ROCK1: variants seen among roughly 807,000 people sequenced by gnomAD.
ROCK1 encodes Rho associated coiled-coil containing protein kinase 1, also known as rho-associated protein kinase 1.
Under a neutral mutation model 196.8 loss-of-function variants are expected in ROCK1, and 36 were observed. The observed-to-expected ratio is 0.18, with a 90% CI of 0.14 to 0.24. The LOEUF (loss-of-function observed/expected upper bound fraction) is 0.24. ROCK1 is among the 10% of genes least tolerant of loss of function. ROCK1 has a pLI of 1.00. For missense variants in ROCK1, 920 were observed against 1,562.0 expected (o/e 0.59, Z 6.93); for synonymous variants, 443 against 515.9 (o/e 0.86, Z 1.91).
intron 1 of ROCK1, among the ~76,000 whole-genome samples, chr18:21,073,128 AG>A (rs1219366288): frequency 8.7e-5 from 13 of 150,220 alleles, no homozygotes; most frequent in Non-Finnish European, 1.8e-4. Flanking sequence ...TATGTAACAG[AG>A]GGGCCAATCA....
chr18:21,047,540 T>C, intron 4 of ROCK1, among the ~76,000 whole-genome samples: 1 of 152,182 alleles, frequency 6.6e-6, no homozygotes, highest in Middle Eastern at 3.2e-3. Flanking sequence ...ACACCTGTAA[T>C]CCCAGCACTT....
chr18:21,053,527 A>G (rs1568396076), intron 2 of ROCK1, among the ~76,000 whole-genome samples: 1 of 152,126 alleles, frequency 6.6e-6, no homozygotes, highest in African/African-American at 2.4e-5. Flanking sequence ...TCCATTCTCC[A>G]TTATGCTTCA....
chr18:20,952,651 T>C (rs1452592868), intron 32 of ROCK1, among the ~76,000 whole-genome samples: 1 of 151,628 alleles, frequency 6.6e-6, no homozygotes, highest in African/African-American at 2.4e-5. Flanking sequence ...GGCATGCGTC[T>C]GTAATCCCCG....
Position 21,006,381 on chromosome 18 carries a change from G to T in ROCK1, c.1855C>A (p.His619Asn). ...AGGTCTCCAATCATCTCAGAATCAT[G>T]ACCTCTGTCTCTTCGTTCAGCTTCT... ...ILEAERRDRG[H>N]DSEMIGDLQA... Residue 619 changes from histidine (H) to asparagine (N), a missense_variant, in exon 16 of 33, where the codon CAT (histidine) becomes AAT (asparagine). Transcript: ENST00000399799. 6.2e-7 allele frequency: 1 copy of T among 1,612,842 alleles called. No individual in the cohort carries two copies. Among genetic ancestry groups the T allele is most frequent in the South Asian group, 1.1e-5 (1 of 91,054 alleles).
intron 2 of ROCK1, among the ~76,000 whole-genome samples, chr18:21,053,291 G>A (rs1207806244): frequency 6.9e-6 from 1 of 145,656 alleles, no homozygotes; most frequent in East Asian, 2.0e-4. Context: ...TTTTTTTTTT[G>A]GTCAAGCCTG....
rs2035723129 is a variant in ROCK1, at chr18:21,001,440, ATTAAAAAATATAGACAGCAAAAGCTG to A, written c.1885+4885_1885+4910del. Among the ~76,000 whole-genome samples, 3 of 152,346 alleles carry A rather than the reference ATTAAAAAATATAGACAGCAAAAGCTG, an allele frequency of 2.0e-5. No homozygotes were observed. In the South Asian group the frequency reaches 6.2e-4, roughly 32 times the overall value. On this transcript the variant is annotated intron_variant, in intron 16 of 32. Coordinates refer to ENST00000399799, the MANE Select transcript of ROCK1 (RefSeq NM_005406.3). ...TTTTTGTTACAAGAATTTCACCTTAATTAAAAAATATAGACAGCAAAAGCTGTTAGAAATACAAGGGAGGCTGCCAG... is the reference window on the plus strand; with the variant it reads ...TTTTTGTTACAAGAATTTCACCTTAATTAGAAATACAAGGGAGGCTGCCAG...
intron 4 of ROCK1, among the ~76,000 whole-genome samples, chr18:21,047,225 A>G (rs2036168035): frequency 6.6e-6 from 1 of 152,194 alleles, no homozygotes; most frequent in Admixed American, 6.5e-5. Flanking sequence ...TCACTAACAG[A>G]CACTGAACGT....
chr18:20,998,088 C>T (rs561616235), intron 16 of ROCK1, among the ~76,000 whole-genome samples: 15 of 152,190 alleles, frequency 9.9e-5, no homozygotes, highest in Admixed American at 2.6e-4. Context: ...CCACCCGCCT[C>T]GGCCTCCCAA....
chr18:20,998,966 T>C (rs978164762), intron 16 of ROCK1, among the ~76,000 whole-genome samples: 11 of 151,890 alleles, frequency 7.2e-5, no homozygotes, highest in African/African-American at 2.2e-4. Flanking sequence ...TTTCAAAGAA[T>C]AGAGGAGGAG....
At position 20,950,973 on chromosome 18, in the gene ROCK1, T is replaced by C. The variant is rs2035181235; in HGVS notation, c.*411A>G. On this transcript the variant is annotated 3_prime_UTR_variant, in exon 33 of 33. Transcript: ENST00000399799. ...TCAGTTTGTCTCATTTTGAGATATT[T>C]TCTTTACTCCTTCCATGAGCTGATC... 1 of 160,912 alleles carries C rather than the reference T, an allele frequency of 6.2e-6. No homozygotes were observed. The allele number at this position is 160,912 out of a possible 1,614,324, so 10.0% of individuals were successfully genotyped here.
chr18:20,983,918 G>C (rs979806656), intron 20 of ROCK1, among the ~76,000 whole-genome samples: 13 of 152,132 alleles, frequency 8.5e-5, no homozygotes, highest in African/African-American at 2.2e-4. Flanking sequence ...AAGCGTTCCT[G>C]ATCTTGCTTG....
At chr18:20,956,966 A>G (rs2035248197) in intron 29 of ROCK1, among the ~76,000 whole-genome samples, 1 of 152,232 alleles carries the variant, frequency 6.6e-6, no homozygotes, top group Non-Finnish European at 1.5e-5. Context: ...TAACAATGAA[A>G]TAACATTTAA....
intron 1 of ROCK1, among the ~76,000 whole-genome samples, chr18:21,084,280 T>A (rs1321188065): frequency 2.7e-5 from 4 of 150,680 alleles, no homozygotes; most frequent in Non-Finnish European, 5.9e-5. Flanking sequence ...CTAAACCTCA[T>A]CAAAATTAAA....
In ROCK1 at chr18:21,029,024, C is replaced by G. The variant is rs901978465; in HGVS notation, c.1052-89G>C. On this transcript the variant is annotated intron_variant, in intron 9 of 32. Coordinates refer to ENST00000399799, the MANE Select transcript of ROCK1 (RefSeq NM_005406.3). ...TCCATACCAACTACTGATGGTTTCT[C>G]TCTTATAAAACCTTGCAAACCACAA... is the stretch of plus-strand genomic sequence containing the variant. 3 of 1,326,888 alleles carry G rather than the reference C, an allele frequency of 2.3e-6. No homozygotes were observed. In the Admixed American group the frequency reaches 7.0e-5, roughly 31 times the overall value. The allele number at this position is 1,326,888 out of a possible 1,614,324, so 82.2% of individuals were successfully genotyped here. A position where few individuals can be genotyped will look rare whatever the true frequency, so the allele number is the denominator to read the frequency against.
chr18:21,076,426 C>G (rs1396050137), intron 1 of ROCK1, among the ~76,000 whole-genome samples: 1 of 152,150 alleles, frequency 6.6e-6, no homozygotes, highest in Non-Finnish European at 1.5e-5. Flanking sequence ...ATCACTTGAA[C>G]CCAGGAGGTG....
intron 11 of ROCK1, among the ~76,000 whole-genome samples, chr18:21,020,878 C>A (rs2035907872): frequency 6.6e-6 from 1 of 152,176 alleles, no homozygotes; most frequent in Non-Finnish European, 1.5e-5. Flanking sequence ...TCCTTGTATG[C>A]ACAAACTGGA....
intron 1 of ROCK1, among the ~76,000 whole-genome samples, chr18:21,107,423 C>CA (rs2036712215): frequency 6.6e-6 from 1 of 151,326 alleles, no homozygotes; most frequent in Non-Finnish European, 1.5e-5. Flanking sequence ...TTTGGGATTA[C>CA]AAAAACAACT....
At chr18:21,003,359 T>G (rs1158255926) in intron 16 of ROCK1, among the ~76,000 whole-genome samples, 1 of 152,052 alleles carries the variant, frequency 6.6e-6, no homozygotes, top group Non-Finnish European at 1.5e-5. Flanking sequence ...TGTCCAAACT[T>G]TGGATCCAAA....
intron 16 of ROCK1, among the ~76,000 whole-genome samples, chr18:21,005,966 T>G (rs2035765038): frequency 6.6e-6 from 1 of 152,218 alleles, no homozygotes. Context: ...CATAAATATA[T>G]TAACTTAGAC....
Sources: gnomAD v4.1 joint callset for allele counts (sites outside exome capture counted in the v4.1 genomes callset) on GRCh38, gnomAD v4.1.1 for gene constraint, MANE v1.5 for transcripts, NCBI Gene and HGNC (gene_info 2026-07-23, HGNC 2026-07-21) for gene names.